BCKDHB: variants seen among roughly 807,000 people sequenced by gnomAD.
BCKDHB encodes the protein branched chain keto acid dehydrogenase E1 subunit beta.
BCKDHB carries 41 observed loss-of-function variants against 48.5 expected under a neutral mutation model. The ratio of observed to expected loss-of-function variants is 0.85; its 90% CI spans 0.66 to 1.10. The LOEUF is 1.10. Among genes scored for constraint, BCKDHB ranks in the 50% least tolerant of loss-of-function variants. BCKDHB has a pLI of 0.00. For synonymous variants in BCKDHB, 201 were observed against 174.8 expected (o/e 1.15, Z -1.18); for missense variants, 496 against 494.2 (o/e 1.00, Z -0.03).
rs140373046 is a variant in BCKDHB, at chr6:80,217,560, A to G, written c.951+14348A>G. Among the ~76,000 whole-genome samples the G allele has an allele frequency of 3.0e-3, 453 of 152,282 alleles. 6 individuals are homozygous for G. Among genetic ancestry groups the G allele is most frequent in the African/African-American group, 0.011 (438 of 41,562 alleles). ...AGAGATTTAAAAATTCAAGCAATCC[A>G]TTAACATAGCACTAAAACACACAGT... On this transcript the variant is annotated intron_variant, in intron 8 of 9. Coordinates refer to ENST00000320393, the MANE Select transcript of BCKDHB (RefSeq NM_183050.4).
At chr6:80,362,017 C>T in the BCKDHB span, among the ~76,000 whole-genome samples, 2 of 152,080 alleles carry the variant, frequency 1.3e-5, no homozygotes, top group South Asian at 4.2e-4. Flanking sequence ...TTTAGATATA[C>T]CATCTGTGTA....
At chr6:80,215,843 G>A (rs1351167717) in intron 8 of BCKDHB, among the ~76,000 whole-genome samples, 5 of 152,168 alleles carry the variant, frequency 3.3e-5, no homozygotes, top group Admixed American at 1.3e-4. Context: ...TGGGGTTCAA[G>A]CCATTCTCCT....
At chr6:80,445,940 C>T in the BCKDHB span, among the ~76,000 whole-genome samples, 2,656 of 152,162 alleles carry the variant, frequency 0.017, 89 homozygotes, top group African/African-American at 0.059. Flanking sequence ...TGCTGGATTA[C>T]TCAAGGGAGC....
intron 9 of BCKDHB, among the ~76,000 whole-genome samples, chr6:80,340,173 T>C (rs1307838796): frequency 6.6e-6 from 1 of 152,250 alleles, no homozygotes; most frequent in Non-Finnish European, 1.5e-5. Flanking sequence ...TTCTAAAATT[T>C]CACAGCGTCT....
At chr6:80,119,855 CT>C (rs1044052764) in intron 1 of BCKDHB, among the ~76,000 whole-genome samples, 5 of 150,200 alleles carry the variant, frequency 3.3e-5, no homozygotes, top group Non-Finnish European at 7.4e-5. Flanking sequence ...CAATGTTAAT[CT>C]TTTTTTTCCT....
chr6:80,286,680 G>C (rs995262450), intron 9 of BCKDHB, among the ~76,000 whole-genome samples: 40 of 152,210 alleles, frequency 2.6e-4, no homozygotes, highest in African/African-American at 9.4e-4. Context: ...CTCAGGTACT[G>C]GTTCATTGAA....
In BCKDHB at chr6:80,164,062, G is replaced by A. The variant is rs552646854; in HGVS notation, c.344-3616G>A. ...GCTATTCACCAAATACGAGTCAGAA[G>A]GATCCTGTTGAAATGCAGCTCAGAG... is the stretch of plus-strand genomic sequence containing the variant. On this transcript the variant is annotated intron_variant, in intron 3 of 9. Coordinates refer to ENST00000320393, the MANE Select transcript of BCKDHB (RefSeq NM_183050.4). Among the ~76,000 whole-genome samples the A allele has an allele frequency of 2.0e-5, 3 of 152,256 alleles. No homozygotes were observed. In the East Asian group the frequency reaches 5.8e-4, roughly 29 times the overall value.
intron 7 of BCKDHB, among the ~76,000 whole-genome samples, chr6:80,202,343 C>T (rs78674110): frequency 0.035 from 5,270 of 152,144 alleles, 306 homozygotes; most frequent in African/African-American, 0.12. Context: ...TCTTGTTGCT[C>T]TTATTTAAAA....
intron 8 of BCKDHB, among the ~76,000 whole-genome samples, chr6:80,225,915 G>A (rs1775658660): frequency 6.6e-6 from 1 of 152,108 alleles, no homozygotes; most frequent in Non-Finnish European, 1.5e-5. Flanking sequence ...CCATTCACCT[G>A]TTTCCTTTCC....
the BCKDHB span, among the ~76,000 whole-genome samples, chr6:80,442,648 A>T: frequency 3.9e-5 from 6 of 152,126 alleles, no homozygotes; most frequent in Admixed American, 3.9e-4. Flanking sequence ...AGAGAGAAAG[A>T]GGTTGAGGAA....
intron 3 of BCKDHB, among the ~76,000 whole-genome samples, chr6:80,157,543 G>A (rs10080500): frequency 0.37 from 54,099 of 144,962 alleles, 11,842 homozygotes; most frequent in Admixed American, 0.57. Flanking sequence ...TTGGCTCACC[G>A]CAACCTCCGC....
the BCKDHB span, among the ~76,000 whole-genome samples, chr6:80,459,214 G>A: frequency 6.6e-6 from 1 of 152,244 alleles, no homozygotes; most frequent in Admixed American, 6.5e-5. Context: ...CAGTAGCCAA[G>A]ATGTGGAAAC....
At chr6:80,418,544 G>C in the BCKDHB span, among the ~76,000 whole-genome samples, 4 of 152,178 alleles carry the variant, frequency 2.6e-5, no homozygotes, top group African/African-American at 9.7e-5. Flanking sequence ...GTTTTTGGAA[G>C]AATTTAGGGA....
intron 9 of BCKDHB, among the ~76,000 whole-genome samples, chr6:80,313,992 GA>G (rs1423156714): frequency 6.6e-6 from 1 of 152,152 alleles, no homozygotes; most frequent in Non-Finnish European, 1.5e-5. Flanking sequence ...TAGTTTCAAA[GA>G]ACTTCTTGAT....
At chr6:80,165,085 A>C (rs986098490) in intron 3 of BCKDHB, among the ~76,000 whole-genome samples, 2 of 152,192 alleles carry the variant, frequency 1.3e-5, no homozygotes, top group Admixed American at 1.3e-4. Context: ...ATTGGCAACA[A>C]GGCTATATTT....
chr6:80,288,085 T>G (rs1766715239), intron 9 of BCKDHB, among the ~76,000 whole-genome samples: 1 of 150,498 alleles, frequency 6.6e-6, no homozygotes, highest in Admixed American at 6.6e-5. Context: ...CCTAAATAAC[T>G]TAAAAGCTTT....
the BCKDHB span, among the ~76,000 whole-genome samples, chr6:80,397,744 T>C: frequency 6.6e-6 from 1 of 152,082 alleles, no homozygotes; most frequent in Non-Finnish European, 1.5e-5. Context: ...TAGCCAGGCA[T>C]GGTGGCGTGT....
At chr6:80,393,773 C>A in the BCKDHB span, among the ~76,000 whole-genome samples, 3 of 152,188 alleles carry the variant, frequency 2.0e-5, no homozygotes, top group Admixed American at 1.3e-4. Flanking sequence ...TGTCAATATC[C>A]TGAGATTTCA....
chr6:80,400,891 A>G, the BCKDHB span, among the ~76,000 whole-genome samples: 1 of 152,080 alleles, frequency 6.6e-6, no homozygotes, highest in African/African-American at 2.4e-5. Flanking sequence ...GCCATAAGAA[A>G]GAATGAGATC....
Sources: allele counts gnomAD v4.1 joint callset (sites outside exome capture counted in the v4.1 genomes callset), GRCh38; gene constraint gnomAD v4.1.1; transcripts MANE v1.5; gene names NCBI Gene and HGNC (gene_info 2026-07-23, HGNC 2026-07-21).